TPST1: variants seen among roughly 807,000 people sequenced by gnomAD.
TPST1 encodes the protein tyrosylprotein sulfotransferase 1.
Under a neutral mutation model 34.8 loss-of-function variants are expected in TPST1, and 20 were observed. The observed-to-expected ratio is 0.57, with a 90% CI of 0.40 to 0.84. The LOEUF is 0.84. TPST1 is among the 40% of genes least tolerant of loss of function. TPST1 has a pLI of 0.00. For synonymous variants in TPST1, 152 were observed against 159.4 expected (o/e 0.95, Z 0.35); for missense variants, 353 against 455.5 (o/e 0.78, Z 2.05).
chr7:66,359,409 T>G (rs1021974738), intron 5 of TPST1: 1 of 149,034 alleles, frequency 6.7e-6, no homozygotes, highest in Non-Finnish European at 1.5e-5. Flanking sequence ...TGAGGAGGAA[T>G]CAGGGTGCTG....
At chr7:66,233,124 T>G (rs1221909759) in intron 1 of TPST1, among the ~76,000 whole-genome samples, 1 of 152,212 alleles carries the variant, frequency 6.6e-6, no homozygotes, top group African/African-American at 2.4e-5. Context: ...AGGCATATAA[T>G]TTGCAGATAT....
chr7:66,271,944 G>A (rs1790712945), intron 2 of TPST1, among the ~76,000 whole-genome samples: 1 of 151,998 alleles, frequency 6.6e-6, no homozygotes, highest in African/African-American at 2.4e-5. Flanking sequence ...GTCTTTTACA[G>A]AAAAAATTTG....
intron 2 of TPST1, among the ~76,000 whole-genome samples, chr7:66,259,490 A>AT (rs1391771528): frequency 2.6e-5 from 4 of 151,594 alleles, no homozygotes; most frequent in Non-Finnish European, 5.9e-5. Context: ...TTTTTTCCAA[A>AT]TTTTTTTTCT....
chr7:66,243,382 A>T (rs1790076920), intron 2 of TPST1, among the ~76,000 whole-genome samples: 1 of 152,134 alleles, frequency 6.6e-6, no homozygotes. Context: ...AGAAAATCTT[A>T]CCCAGAATTC....
At chr7:66,228,904 A>G (rs1208632214) in intron 1 of TPST1, among the ~76,000 whole-genome samples, 1 of 152,212 alleles carries the variant, frequency 6.6e-6, no homozygotes, top group Non-Finnish European at 1.5e-5. Flanking sequence ...GATTAAAAAA[A>G]AATTTTTGAA....
chr7:66,334,328 A>G (rs1220896319), intron 3 of TPST1, among the ~76,000 whole-genome samples: 1 of 152,238 alleles, frequency 6.6e-6, no homozygotes, highest in East Asian at 1.9e-4. Flanking sequence ...CACTCTTCCC[A>G]CAAAAATGCA....
chr7:66,324,193 G>A (rs1343559567), intron 3 of TPST1, among the ~76,000 whole-genome samples: 1 of 152,176 alleles, frequency 6.6e-6, no homozygotes, highest in African/African-American at 2.4e-5. Context: ...GGGGTACATA[G>A]AATAGGTCAA....
chr7:66,355,815 G>T (rs906652304), intron 4 of TPST1, among the ~76,000 whole-genome samples: 1 of 146,586 alleles, frequency 6.8e-6, no homozygotes, highest in African/African-American at 2.5e-5. Context: ...TGAGGCAGGA[G>T]AATTGCTTGA....
rs189374396 is a variant in TPST1, at chr7:66,343,819, C to T, written c.1045-8686C>T. 6.0e-3 allele frequency among the ~76,000 whole-genome samples: 908 copies of T among 152,240 alleles called. 29 individuals are homozygous for T. The highest frequency in any genetic ancestry group is 0.055 in the Admixed American group (843 of 15,278). On this transcript the variant is annotated intron_variant, in intron 3 of 5. Coordinates refer to ENST00000304842, the MANE Select transcript of TPST1 (RefSeq NM_003596.4). ...TTATGGCAGCGATTTTTGGAATAAT[C>T]AGACTGGAAATTTTAAATAAGTATG...
intron 2 of TPST1, among the ~76,000 whole-genome samples, chr7:66,281,609 A>G (rs922693979): frequency 6.6e-6 from 1 of 152,230 alleles, no homozygotes. Context: ...ATTTTCTAAT[A>G]GTGAAAGTCT....
At chr7:66,216,034 G>A (rs1021938378) in intron 1 of TPST1, among the ~76,000 whole-genome samples, 1 of 152,076 alleles carries the variant, frequency 6.6e-6, no homozygotes, top group Non-Finnish European at 1.5e-5. Context: ...GCCTCCCAAA[G>A]TGCTGGGATG....
chr7:66,235,277 C>T (rs1168664385), intron 1 of TPST1, among the ~76,000 whole-genome samples: 2 of 151,722 alleles, frequency 1.3e-5, no homozygotes, highest in African/African-American at 4.8e-5. Flanking sequence ...GCTCCGCCTC[C>T]CGGGTTCACG....
chr7:66,359,525 C>T (rs9691761), intron 5 of TPST1: 6 of 222,036 alleles, frequency 2.7e-5, no homozygotes, highest in South Asian at 2.1e-4. Context: ...TTTCTTCACA[C>T]GAGGAATCAT....
At chr7:66,266,132 A>G (rs1048694482) in intron 2 of TPST1, among the ~76,000 whole-genome samples, 3 of 152,244 alleles carry the variant, frequency 2.0e-5, no homozygotes, top group Admixed American at 1.3e-4. Flanking sequence ...GAGACCGTCC[A>G]ATAATCAACT....
intron 3 of TPST1, among the ~76,000 whole-genome samples, chr7:66,351,314 G>T (rs1347893798): frequency 1.3e-5 from 2 of 152,086 alleles, no homozygotes; most frequent in African/African-American, 2.4e-5. Context: ...CATTATATGC[G>T]TAGATCACGT....
rs1345006915 is a variant in TPST1 at position 66,336,714 on chromosome 7, T to C, written c.1045-15791T>C. 3.3e-5 allele frequency among the ~76,000 whole-genome samples: 5 copies of C among 152,144 alleles called. No individual in the cohort carries two copies. The East Asian group carries it at 9.6e-4, about 29-fold the overall frequency. On this transcript the variant is annotated intron_variant, in intron 3 of 5. Coordinates refer to ENST00000304842, the MANE Select transcript of TPST1 (RefSeq NM_003596.4). Reference sequence around the variant, plus strand: ...AAATCATGGCTGAAAAAGTCCCAAATCTAGAGAAAGATGACACTGTCTAGG... The same window carrying C: ...AAATCATGGCTGAAAAAGTCCCAAACCTAGAGAAAGATGACACTGTCTAGG...
At chr7:66,313,135 G>A (rs986645555) in intron 3 of TPST1, among the ~76,000 whole-genome samples, 1 of 151,946 alleles carries the variant, frequency 6.6e-6, no homozygotes, top group Non-Finnish European at 1.5e-5. Flanking sequence ...GATGCTGGTA[G>A]CCAGGCGCGG....
intron 3 of TPST1, among the ~76,000 whole-genome samples, chr7:66,343,844 GA>G (rs1490774464): frequency 3.3e-5 from 5 of 152,290 alleles, no homozygotes; most frequent in African/African-American, 1.2e-4. Context: ...AAATAAGTAT[GA>G]TTAATATACT....
intron 2 of TPST1, among the ~76,000 whole-genome samples, chr7:66,278,645 T>C (rs900764082): frequency 6.6e-5 from 10 of 151,768 alleles, no homozygotes; most frequent in African/African-American, 2.4e-4. Context: ...GTAGCTGGGC[T>C]TGGTGGCGGG....
Sources: gnomAD v4.1 joint callset for allele counts (sites outside exome capture counted in the v4.1 genomes callset) on GRCh38, gnomAD v4.1.1 for gene constraint, MANE v1.5 for transcripts, NCBI Gene and HGNC (gene_info 2026-07-23, HGNC 2026-07-21) for gene names.